The following UNC13C variants were observed in gnomAD, a reference collection of about 807,000 sequenced individuals.
The protein encoded by UNC13C is protein unc-13 homolog C.
UNC13C carries 174 observed loss-of-function variants against 245.4 expected under a neutral mutation model. That is an observed-to-expected ratio of 0.71 (90% CI 0.63 to 0.80). The LOEUF is 0.80. Ranked by LOEUF, UNC13C falls within the 30% of genes least tolerant of loss-of-function variation. UNC13C has a pLI of 0.00. For synonymous variants in UNC13C, 992 were observed against 895.1 expected (o/e 1.11, Z -1.93); for missense variants, 2,829 against 2,602.9 (o/e 1.09, Z -1.89).
chr15:54,374,125 T>C (rs1224571648), intron 17 of UNC13C, among the ~76,000 whole-genome samples: 1 of 152,202 alleles, frequency 6.6e-6, no homozygotes, highest in Non-Finnish European at 1.5e-5. Flanking sequence ...TGTCTGAGTC[T>C]GGGGTTTTTA....
intron 19 of UNC13C, among the ~76,000 whole-genome samples, chr15:54,467,396 C>A (rs555384423): frequency 3.8e-4 from 57 of 150,478 alleles, no homozygotes; most frequent in Non-Finnish European, 7.6e-4. Flanking sequence ...CTACAAATTT[C>A]TTTTTTTTTA....
At chr15:54,177,796 A>G (rs1203668423) in intron 4 of UNC13C, among the ~76,000 whole-genome samples, 1 of 152,088 alleles carries the variant, frequency 6.6e-6, no homozygotes. Flanking sequence ...CATCTTCCTG[A>G]GTTAGTAAAA....
intron 30 of UNC13C, among the ~76,000 whole-genome samples, chr15:54,616,359 G>A (rs1900429158): frequency 6.6e-6 from 1 of 151,460 alleles, no homozygotes; most frequent in South Asian, 2.1e-4. Flanking sequence ...TTCAACAGTG[G>A]TCCCATAAGA....
chr15:54,389,992 G>A (rs1306831508), intron 17 of UNC13C, among the ~76,000 whole-genome samples: 1 of 152,114 alleles, frequency 6.6e-6, no homozygotes, highest in Admixed American at 6.6e-5. Context: ...GCCTCCCAAA[G>A]TGCTGGGATT....
At chr15:54,596,168 G>A (rs77306815) in intron 30 of UNC13C, among the ~76,000 whole-genome samples, 126 of 152,270 alleles carry the variant, frequency 8.3e-4, no homozygotes, top group East Asian at 4.6e-3. Context: ...AATGTGTTAA[G>A]TTCCATCTCA....
intron 14 of UNC13C, among the ~76,000 whole-genome samples, chr15:54,323,037 G>A (rs1269690825): frequency 6.6e-6 from 1 of 150,916 alleles, no homozygotes; most frequent in Non-Finnish European, 1.5e-5. Context: ...AGGAAACTAA[G>A]ATCAGTTGTG....
intron 4 of UNC13C, among the ~76,000 whole-genome samples, chr15:54,212,797 A>G (rs1200716867): frequency 6.6e-6 from 1 of 152,104 alleles, no homozygotes; most frequent in Admixed American, 6.6e-5. Flanking sequence ...TCAGACAGCT[A>G]AAATTACCTT....
intron 10 of UNC13C, among the ~76,000 whole-genome samples, chr15:54,292,054 T>C (rs1461993487): frequency 6.6e-6 from 1 of 152,026 alleles, no homozygotes; most frequent in Admixed American, 6.6e-5. Context: ...TCAAATATTA[T>C]AGTTCAAATA....
the UNC13C span, among the ~76,000 whole-genome samples, chr15:53,867,393 C>A: frequency 1.3e-5 from 2 of 152,148 alleles, 1 homozygote; most frequent in Middle Eastern, 6.3e-3. Context: ...AAATTGCTTC[C>A]ATTACTTAAG....
At chr15:54,614,785 T>A (rs558965418) in intron 30 of UNC13C, among the ~76,000 whole-genome samples, 4 of 152,144 alleles carry the variant, frequency 2.6e-5, no homozygotes, top group African/African-American at 9.6e-5. Flanking sequence ...TCTGTAAACA[T>A]TTCATCCAGA....
Position 54,235,142 on chromosome 15 carries a change from A to G in UNC13C, c.3150+34A>G, listed in dbSNP as rs769390984. On this transcript the variant is annotated intron_variant, in intron 5 of 32. Transcript: ENST00000260323. ...CAACTGTTTAATTCTCTTCGATTGCATGTGTGGTTTTTTTCCTTACTAAAA... is the reference window on the plus strand; with the variant it reads ...CAACTGTTTAATTCTCTTCGATTGCGTGTGTGGTTTTTTTCCTTACTAAAA... 2 of 1,591,128 alleles carry G rather than the reference A, an allele frequency of 1.3e-6. 1 individual carries two copies. The highest frequency in any genetic ancestry group is 2.2e-5 in the South Asian group (2 of 90,264).
the UNC13C span, among the ~76,000 whole-genome samples, chr15:53,865,682 AGT>A: frequency 4.6e-5 from 7 of 152,222 alleles, no homozygotes; most frequent in Non-Finnish European, 7.3e-5. Flanking sequence ...TGAAGGCTTC[AGT>A]ATTAAGATCC....
At chr15:54,570,346 A>G (rs954639145) in intron 30 of UNC13C, among the ~76,000 whole-genome samples, 6 of 152,180 alleles carry the variant, frequency 3.9e-5, no homozygotes, top group Non-Finnish European at 8.8e-5. Context: ...CACTTGAGCC[A>G]TACAAAACTC....
At chr15:54,204,556 C>T (rs1474590227) in intron 4 of UNC13C, among the ~76,000 whole-genome samples, 2 of 152,032 alleles carry the variant, frequency 1.3e-5, no homozygotes, top group African/African-American at 2.4e-5. Flanking sequence ...AATTTGTCTA[C>T]ACGTTTAATG....
chr15:54,453,451 C>G (rs1043060869), intron 19 of UNC13C, among the ~76,000 whole-genome samples: 42 of 152,204 alleles, frequency 2.8e-4, no homozygotes, highest in African/African-American at 9.9e-4. Context: ...CTTGAAATCC[C>G]TCTTCAGATG....
In UNC13C at chr15:54,415,014, G is replaced by C. The variant is rs1317881633; in HGVS notation, c.4880G>C (p.Ser1627Thr). The change falls in exon 19 of 33, where the codon AGT becomes ACT. Residue 1627 changes from serine (S) to threonine (T), a missense_variant. Physicochemically the swap from Ser to Thr is moderately conservative, Grantham distance 58. Transcript: ENST00000260323. Reference sequence around the variant, plus strand: ...CAAGAGCTGAACATGGGAAAAATAAGTGCCGAAATTATGTGGACTCTTTTT... The same window carrying C: ...CAAGAGCTGAACATGGGAAAAATAACTGCCGAAATTATGTGGACTCTTTTT... ...FPQELNMGKI[S>T]AEIMWTLFAL... is the part of the protein sequence containing the mutation. The C allele has an allele frequency of 6.2e-7, 1 of 1,612,860 alleles. No individual in the cohort carries two copies. Among genetic ancestry groups the C allele is most frequent in the Non-Finnish European group, 8.5e-7 (1 of 1,179,400 alleles).
chr15:53,970,598 A>G, the UNC13C span, among the ~76,000 whole-genome samples: 5 of 152,220 alleles, frequency 3.3e-5, no homozygotes, highest in East Asian at 9.7e-4. Flanking sequence ...CAAATACCAC[A>G]TGTTCTTACT....
intron 19 of UNC13C, among the ~76,000 whole-genome samples, chr15:54,455,256 T>C (rs1393107710): frequency 1.5e-5 from 2 of 131,864 alleles, no homozygotes; most frequent in East Asian, 2.4e-4. Flanking sequence ...AATCCACTCA[T>C]TGGTAGATGG....
intron 1 of UNC13C, among the ~76,000 whole-genome samples, chr15:54,005,972 G>A (rs147045388): frequency 2.2e-4 from 34 of 152,030 alleles, no homozygotes; most frequent in African/African-American, 6.3e-4. Flanking sequence ...TTAGGGGGCC[G>A]GTAAACTGCT....
Sources: allele counts gnomAD v4.1 joint callset (sites outside exome capture counted in the v4.1 genomes callset), GRCh38; gene constraint gnomAD v4.1.1; transcripts MANE v1.5; gene names NCBI Gene and HGNC (gene_info 2026-07-23, HGNC 2026-07-21).